SPEF2: variants seen among roughly 807,000 people sequenced by gnomAD.
The protein encoded by SPEF2 is sperm flagellar and cilia associated 2, also known as sperm flagella and cilia-associated protein 2.
SPEF2 carries 187 observed loss-of-function variants against 224.6 expected under a neutral mutation model. That is an observed-to-expected ratio of 0.83 (90% CI 0.74 to 0.94). The LOEUF (loss-of-function observed/expected upper bound fraction) is 0.94, where lower values mean the gene tolerates loss of function less well. SPEF2 is among the 40% of genes least tolerant of loss of function. SPEF2 has a pLI of 0.00. For missense variants in SPEF2, 2,170 were observed against 2,135.6 expected, an observed-to-expected ratio of 1.02 and a Z score of -0.32; for synonymous variants, 715 against 707.3, an observed-to-expected ratio of 1.01 and a Z score of -0.17.
intron 25 of SPEF2, among the ~76,000 whole-genome samples, chr5:35,762,729 T>C (rs1016553834): frequency 6.6e-6 from 1 of 152,192 alleles, no homozygotes; most frequent in African/African-American, 2.4e-5. Flanking sequence ...GGGATTCCAG[T>C]CACAATAAGC....
intron 34 of SPEF2, among the ~76,000 whole-genome samples, chr5:35,802,319 A>ACTTCCCAGGGC (rs1757530618): frequency 6.6e-6 from 1 of 152,118 alleles, no homozygotes; most frequent in South Asian, 2.1e-4. Flanking sequence ...CCAGGTTATA[A>ACTTCCCAGGGC]CCAGAACTTC....
At chr5:35,697,161 A>C (rs1254584041) in intron 14 of SPEF2, among the ~76,000 whole-genome samples, 1 of 152,236 alleles carries the variant, frequency 6.6e-6, no homozygotes, top group Non-Finnish European at 1.5e-5. Context: ...TGTTTCAGTG[A>C]TATTGAGTAG....
At chr5:35,730,260 G>C (rs925052380) in intron 21 of SPEF2, among the ~76,000 whole-genome samples, 1 of 152,232 alleles carries the variant, frequency 6.6e-6, no homozygotes, top group African/African-American at 2.4e-5. Flanking sequence ...AGCCACAAGA[G>C]AAGGTGCAGA....
intron 19 of SPEF2, among the ~76,000 whole-genome samples, chr5:35,712,006 T>A (rs1165796043): frequency 6.6e-6 from 1 of 152,066 alleles, no homozygotes; most frequent in African/African-American, 2.4e-5. Context: ...AATTGGGGCA[T>A]CTCCAGATCA....
At chr5:35,703,006 A>G (rs10042581) in intron 16 of SPEF2, among the ~76,000 whole-genome samples, 81,252 of 151,482 alleles carry the variant, frequency 0.54, 22,214 homozygotes, top group African/African-American at 0.56. Context: ...TGAGTGGGAG[A>G]GACAGAGATA....
rs1467382611 is a variant in SPEF2, at chr5:35,749,223, A to G, written c.3331-4401A>G. Among the ~76,000 whole-genome samples, 3 of 152,186 alleles carry G rather than the reference A, an allele frequency of 2.0e-5. 1 individual carries two copies. The highest frequency in any genetic ancestry group is 6.5e-5 in the Admixed American group (1 of 15,274). ...TATCTCAATGTAATAAAAGCCATCT[A>G]TGACAAACCCACAGCTACCATAATA... On this transcript the variant is annotated intron_variant, in intron 23 of 36. Coordinates refer to ENST00000356031, the MANE Select transcript of SPEF2 (RefSeq NM_024867.4).
At chr5:35,730,954 G>A (rs950936285) in intron 21 of SPEF2, among the ~76,000 whole-genome samples, 37 of 152,236 alleles carry the variant, frequency 2.4e-4, no homozygotes, top group Middle Eastern at 6.8e-3. Context: ...AGCAGTAGGC[G>A]GGGGATACTC....
chr5:35,791,471 G>T (rs1755945178), intron 30 of SPEF2: 1 of 152,136 alleles, frequency 6.6e-6, no homozygotes, highest in Non-Finnish European at 1.5e-5. Context: ...TTGGGATAGT[G>T]TGTCTATGTT....
intron 26 of SPEF2, among the ~76,000 whole-genome samples, chr5:35,764,344 G>A (rs1164117720): frequency 6.6e-6 from 1 of 151,860 alleles, no homozygotes; most frequent in Non-Finnish European, 1.5e-5. Flanking sequence ...ACTTGCCCAA[G>A]TTCTCCTAGC....
At chr5:35,755,288 T>C (rs1750269971) in intron 24 of SPEF2, among the ~76,000 whole-genome samples, 1 of 152,208 alleles carries the variant, frequency 6.6e-6, no homozygotes. Flanking sequence ...CCCACGACAT[T>C]GGTTTGGGCA....
At chr5:35,802,206 C>T (rs1010493308) in intron 34 of SPEF2, among the ~76,000 whole-genome samples, 8 of 152,156 alleles carry the variant, frequency 5.3e-5, no homozygotes, top group Non-Finnish European at 1.2e-4. Context: ...CTCTTCATCT[C>T]ATCTCAAAGG....
intron 33 of SPEF2, among the ~76,000 whole-genome samples, chr5:35,796,308 C>T (rs2149841308): frequency 6.6e-6 from 1 of 151,854 alleles, no homozygotes; most frequent in East Asian, 1.9e-4. Context: ...AAAAGCCAGA[C>T]CTTAAAAATC....
chr5:35,688,024 G>T (rs749478957), intron 10 of SPEF2, among the ~76,000 whole-genome samples: 1 of 152,134 alleles, frequency 6.6e-6, no homozygotes, highest in Non-Finnish European at 1.5e-5. Context: ...TCAAAATATG[G>T]TGGGTGGTTC....
rs866266973 is a variant in SPEF2 at position 35,800,134 on chromosome 5, C to T, written c.4997C>T (p.Pro1666Leu). ...HVFQQVKASIPSAEKTSSTDA... is the reference protein window; with the variant it reads ...HVFQQVKASILSAEKTSSTDA... Reference sequence around the variant, plus strand: ...TTCCAACAAGTCAAAGCTTCCATTCCAAGTGCAGAAAAGGTAATTGCATTC... The same window carrying T: ...TTCCAACAAGTCAAAGCTTCCATTCTAAGTGCAGAAAAGGTAATTGCATTC... Residue 1666 changes from proline to leucine, a missense_variant, in exon 34 of 37, where the codon CCA becomes CTA. Coordinates refer to ENST00000356031, the MANE Select transcript of SPEF2 (RefSeq NM_024867.4). 2 of 1,613,968 alleles carry T rather than the reference C, an allele frequency of 1.2e-6. No individual in the cohort carries two copies. The highest frequency in any genetic ancestry group is 2.7e-5 in the African/African-American group (2 of 74,910).
At chr5:35,812,005 G>A (rs1758570869) in intron 36 of SPEF2, among the ~76,000 whole-genome samples, 1 of 151,826 alleles carries the variant, frequency 6.6e-6, no homozygotes, top group Non-Finnish European at 1.5e-5. Flanking sequence ...AGCCAGGATG[G>A]TCTCGATCCC....
intron 10 of SPEF2, among the ~76,000 whole-genome samples, chr5:35,686,604 A>C (rs976219573): frequency 2.0e-5 from 3 of 152,148 alleles, no homozygotes; most frequent in African/African-American, 7.2e-5. Flanking sequence ...ACAATAAATC[A>C]ATATACTAAT....
intron 5 of SPEF2, among the ~76,000 whole-genome samples, chr5:35,647,566 C>T (rs910079397): frequency 7.9e-5 from 12 of 152,102 alleles, no homozygotes; most frequent in African/African-American, 2.2e-4. Context: ...CATGATCCAC[C>T]GCCATGACCC....
At chr5:35,802,969 A>C (rs1051242040) in intron 34 of SPEF2, among the ~76,000 whole-genome samples, 1 of 152,218 alleles carries the variant, frequency 6.6e-6, no homozygotes, top group African/African-American at 2.4e-5. Context: ...CTAGGCCTTC[A>C]GGCAGGGGAC....
At chr5:35,702,562 G>A (rs1188621252) in intron 16 of SPEF2, among the ~76,000 whole-genome samples, 1 of 152,182 alleles carries the variant, frequency 6.6e-6, no homozygotes, top group African/African-American at 2.4e-5. Flanking sequence ...AAAAAGAACA[G>A]GAAGGGGCTT....
Sources: allele counts gnomAD v4.1 joint callset (sites outside exome capture counted in the v4.1 genomes callset), GRCh38; gene constraint gnomAD v4.1.1; transcripts MANE v1.5; gene names NCBI Gene and HGNC (gene_info 2026-07-23, HGNC 2026-07-21).